Variants in DPPA2 observed in about 807,000 individuals in gnomAD.
DPPA2 encodes the protein developmental pluripotency associated 2, also known as developmental pluripotency-associated protein 2.
DPPA2 carries 26 observed loss-of-function variants against 36.2 expected under a neutral mutation model. The observed-to-expected ratio is 0.72, with a 90% CI of 0.53 to 1.00. DPPA2 has a LOEUF of 1.00. DPPA2 is among the 50% of genes least tolerant of loss of function. The probability of loss-of-function intolerance (pLI) is 0.00; values close to 1 mark genes in which losing one functional copy is unlikely to be tolerated. For synonymous variants in DPPA2, 113 were observed against 123.2 expected (o/e 0.92, Z 0.55); for missense variants, 361 against 365.1 (o/e 0.99, Z 0.09).
chr3:109,302,641 A>G (rs1003760512), intron 7 of DPPA2, among the ~76,000 whole-genome samples: 2 of 151,236 alleles, frequency 1.3e-5, no homozygotes, highest in Non-Finnish European at 2.9e-5. Context: ...TTTAGTAGAG[A>G]CGGGGTTTCA....
intron 3 of DPPA2, among the ~76,000 whole-genome samples, chr3:109,312,317 C>T (rs1279114414): frequency 6.6e-6 from 1 of 152,098 alleles, no homozygotes; most frequent in Non-Finnish European, 1.5e-5. Context: ...CTGGGTGACA[C>T]GGTGAGACTC....
chr3:109,304,721 C>T, intron 6 of DPPA2, 51 bp from the exon 7 acceptor site: 2 of 1,515,144 alleles, frequency 1.3e-6, no homozygotes, highest in Non-Finnish European at 1.8e-6. Flanking sequence ...AGCACCCCAA[C>T]ACAACCTCTC....
chr3:109,310,777 T>C (rs1559699439), intron 3 of DPPA2, among the ~76,000 whole-genome samples: 1 of 151,570 alleles, frequency 6.6e-6, no homozygotes, highest in Non-Finnish European at 1.5e-5. Context: ...GTGCTGGGAT[T>C]ACAGGCATGA....
At position 109,316,472 on chromosome 3, in the gene DPPA2, CT is replaced by C. The variant is rs1404537842; in HGVS notation, c.-203del. The C allele has an allele frequency of 6.6e-6, 1 of 152,354 alleles. No individual in the cohort carries two copies. Among genetic ancestry groups the C allele is most frequent in the Admixed American group, 6.6e-5 (1 of 15,266 alleles). The allele number at this position is 152,354 out of a possible 1,614,324, so 9.4% of individuals were successfully genotyped here. ...AGCCCTCCGGACGATTCTTAAGCTC[CT>C]GAAGTCTAGAAGCCTTAGCTAGATC... On this transcript the variant is annotated 5_prime_UTR_variant, in exon 1 of 9. Transcript: ENST00000478945.
intron 1 of DPPA2, among the ~76,000 whole-genome samples, chr3:109,315,805 G>A (rs900926653): frequency 2.0e-5 from 3 of 152,072 alleles, no homozygotes; most frequent in African/African-American, 7.2e-5. Context: ...GAGGAAGGAC[G>A]ACCACTTGAG....
At chr3:109,302,483 C>T (rs964654672) in intron 7 of DPPA2, among the ~76,000 whole-genome samples, 1 of 151,992 alleles carries the variant, frequency 6.6e-6, no homozygotes, top group Non-Finnish European at 1.5e-5. Flanking sequence ...GACGGAGTTT[C>T]GCTCCTGTTG....
chr3:109,304,399 C>T, intron 7 of DPPA2, 76 bp downstream of exon 7: 3 of 1,420,152 alleles, frequency 2.1e-6, no homozygotes, highest in Non-Finnish European at 2.8e-6. Flanking sequence ...CTGCTTTCTA[C>T]TGTTAAATTA....
At chr3:109,314,025 G>A (rs963975856) in intron 2 of DPPA2, among the ~76,000 whole-genome samples, 2 of 151,970 alleles carry the variant, frequency 1.3e-5, no homozygotes, top group African/African-American at 4.8e-5. Context: ...TTGGTACCAA[G>A]GCCACTGGGA....
rs370975217 is a variant in DPPA2, at chr3:109,309,736, C to T, written c.182-406G>A. ...AAAGATCTTTTCACATTTCTCACAACCCAATTTGCATATACACATATCAAT... is the reference window on the plus strand; with the variant it reads ...AAAGATCTTTTCACATTTCTCACAATCCAATTTGCATATACACATATCAAT... On this transcript the variant is annotated intron_variant, in intron 3 of 8. Coordinates refer to ENST00000478945, the MANE Select transcript of DPPA2 (RefSeq NM_138815.4). Among the ~76,000 whole-genome samples the T allele has an allele frequency of 7.3e-5, 11 of 151,358 alleles. No homozygotes were observed. In the East Asian group the frequency reaches 2.2e-3, roughly 30 times the overall value.
At chr3:109,305,363 A>G (rs1707537987) in intron 6 of DPPA2, among the ~76,000 whole-genome samples, 2 of 152,278 alleles carry the variant, frequency 1.3e-5, no homozygotes, top group Non-Finnish European at 2.9e-5. Context: ...GTTAAATATC[A>G]TAAGTTACTC....
chr3:109,309,862 A>G (rs1164582674), intron 3 of DPPA2, among the ~76,000 whole-genome samples: 2 of 151,764 alleles, frequency 1.3e-5, no homozygotes, highest in Non-Finnish European at 2.9e-5. Context: ...CGCCCAAATT[A>G]CTTGAGGTCA....
At chr3:109,310,279 G>A (rs1707678576) in intron 3 of DPPA2, among the ~76,000 whole-genome samples, 1 of 146,368 alleles carries the variant, frequency 6.8e-6, no homozygotes, top group African/African-American at 2.5e-5. Context: ...GTGCACACCT[G>A]CAATCCCAGC....
intron 7 of DPPA2, among the ~76,000 whole-genome samples, chr3:109,300,890 T>C (rs1707446614): frequency 6.6e-6 from 1 of 150,628 alleles, no homozygotes; most frequent in African/African-American, 2.4e-5. Flanking sequence ...AACCTAGGAA[T>C]GGTGCACAAA....
chr3:109,316,111 T>G (rs1285614628), intron 1 of DPPA2, among the ~76,000 whole-genome samples, 173 bp downstream of exon 1: 1 of 151,944 alleles, frequency 6.6e-6, no homozygotes, highest in African/African-American at 2.4e-5. Context: ...CAGGCTGGAG[T>G]GCGGTGGCGC....
chr3:109,300,686 G>A (rs552775835), intron 7 of DPPA2, among the ~76,000 whole-genome samples: 49 of 151,894 alleles, frequency 3.2e-4, no homozygotes, highest in African/African-American at 1.2e-3. Flanking sequence ...GCCGGTCATG[G>A]TGGCACAGGC....
At chr3:109,296,565 C>T (rs1707354490) in intron 8 of DPPA2, among the ~76,000 whole-genome samples, 1 of 152,030 alleles carries the variant, frequency 6.6e-6, no homozygotes, top group Admixed American at 6.6e-5. Flanking sequence ...ATCCCAGCTG[C>T]TTGGGAGGCT....
chr3:109,304,411 T>A, intron 7 of DPPA2, 64 bp downstream of exon 7: 1 of 1,459,244 alleles, frequency 6.9e-7, no homozygotes, highest in Non-Finnish European at 9.2e-7. Context: ...GTTAAATTAT[T>A]TAGAAATCCA....
intron 6 of DPPA2, among the ~76,000 whole-genome samples, chr3:109,305,153 T>C (rs1055357006): frequency 6.6e-6 from 1 of 151,612 alleles, no homozygotes; most frequent in Non-Finnish European, 1.5e-5. Context: ...TCTCAAAAAA[T>C]AATAATACTA....
At chr3:109,303,322 A>G (rs1707492014) in intron 7 of DPPA2, among the ~76,000 whole-genome samples, 1 of 151,364 alleles carries the variant, frequency 6.6e-6, no homozygotes, top group Admixed American at 6.6e-5. Context: ...AGTTTCCCTA[A>G]GCTATTCCAA....
Sources: allele counts gnomAD v4.1 joint callset (sites outside exome capture counted in the v4.1 genomes callset), GRCh38; gene constraint gnomAD v4.1.1; transcripts MANE v1.5; gene names NCBI Gene and HGNC (gene_info 2026-07-23, HGNC 2026-07-21).